Variants in CFAP20DC observed in about 807,000 individuals in gnomAD.
CFAP20DC encodes the protein protein CFAP20DC.
Under a neutral mutation model 101.7 loss-of-function variants are expected in CFAP20DC, and 84 were observed. The ratio of observed to expected loss-of-function variants is 0.83; its 90% CI spans 0.69 to 0.99. CFAP20DC has a LOEUF of 0.99. Among genes scored for constraint, CFAP20DC ranks in the 50% least tolerant of loss-of-function variants. CFAP20DC has a pLI of 0.00. For synonymous variants in CFAP20DC, 359 were observed against 351.2 expected, an observed-to-expected ratio of 1.02 and a Z score of -0.25; for missense variants, 1,007 against 970.3, an observed-to-expected ratio of 1.04 and a Z score of -0.50.
intron 4 of CFAP20DC, among the ~76,000 whole-genome samples, chr3:58,967,328 T>C (rs2091631757): frequency 6.6e-6 from 1 of 152,084 alleles, no homozygotes; most frequent in Non-Finnish European, 1.5e-5. Flanking sequence ...AAGAAAAAAA[T>C]TTGATCCCCA....
rs774173538 is a variant in CFAP20DC, at chr3:58,899,002, A to T, written c.551-14293T>A. Among the ~76,000 whole-genome samples, 14 of 151,198 alleles carry T rather than the reference A, an allele frequency of 9.3e-5. No individual in the cohort carries two copies. Among genetic ancestry groups the T allele is most frequent in the Non-Finnish European group, 1.5e-4 (10 of 67,792 alleles). The stretch of plus-strand genomic sequence containing the variant: ...CCCTAGTTGCCTTGTCTTTTCCCAT[A>T]CCAAGGTTACCACCAGTGAAGGCCA... On this transcript the variant is annotated intron_variant, in intron 6 of 16. Transcript: ENST00000482387. This position sits in a 1 kb window ranked among gnomAD's most constrained non-coding sequence, Gnocchi z 5.0.
At chr3:58,940,902 C>T (rs1262961119) in intron 4 of CFAP20DC, among the ~76,000 whole-genome samples, 2 of 152,132 alleles carry the variant, frequency 1.3e-5, no homozygotes, top group Non-Finnish European at 2.9e-5. Context: ...TGATATGTAT[C>T]TCCAATTATT....
intron 2 of CFAP20DC, 83 bp downstream of exon 2, chr3:59,047,082 G>T: frequency 1.1e-6 from 1 of 909,258 alleles, no homozygotes; most frequent in South Asian, 1.6e-5. Context: ...AAACAGCTCT[G>T]AAATTTGATC....
Position 58,831,845 on chromosome 3 carries a change from G to A in CFAP20DC, c.2016C>T (p.Ser672=), listed in dbSNP as rs754560216. 14 of 1,613,986 alleles carry A rather than the reference G, an allele frequency of 8.7e-6. No homozygotes were observed. The highest frequency in any genetic ancestry group is 1.6e-4 in the Middle Eastern group (1 of 6,062). Residue 672 remains serine (S), a synonymous_variant, in exon 14 of 17, where the codon TCC becomes TCT. Coordinates refer to ENST00000482387, the MANE Select transcript of CFAP20DC (RefSeq NM_001394063.1). ...GTAGGCTTGCTAGCATCTGTAACTC[G>A]GATTCACTCATCTGGCTTGGCTGAT... ...RNYQPSQMSE[S]ELQMLASLRW...
chr3:58,829,159 C>T (rs920049010), intron 14 of CFAP20DC, among the ~76,000 whole-genome samples: 2 of 151,978 alleles, frequency 1.3e-5, no homozygotes, highest in African/African-American at 4.8e-5. Context: ...TGGTGAAATC[C>T]TGTCTCTACT....
rs2093426517 is a variant in CFAP20DC at position 59,006,076 on chromosome 3, T to C, written c.278+33481A>G. 6.6e-6 allele frequency among the ~76,000 whole-genome samples: 1 copy of C among 152,180 alleles called. No individual in the cohort carries two copies. The highest frequency in any genetic ancestry group is 2.1e-4 in the South Asian group (1 of 4,824). ...ATATCCCTACATTTATATGTGTTTT[T>C]ATAAATATGTAATATACTGTGTATA... On this transcript the variant is annotated intron_variant, in intron 4 of 16. Coordinates refer to ENST00000482387, the MANE Select transcript of CFAP20DC (RefSeq NM_001394063.1). The surrounding 1 kb of genome is among the most constrained non-coding windows in gnomAD (Gnocchi z 4.3).
At chr3:58,851,091 A>G (rs1005699503) in intron 12 of CFAP20DC, among the ~76,000 whole-genome samples, 4 of 152,144 alleles carry the variant, frequency 2.6e-5, no homozygotes, top group African/African-American at 7.2e-5. Flanking sequence ...GGCCAAGTAC[A>G]TCTAGGTGCT....
chr3:58,938,186 T>C (rs2087977630), intron 4 of CFAP20DC, among the ~76,000 whole-genome samples: 1 of 152,228 alleles, frequency 6.6e-6, no homozygotes, highest in Admixed American at 6.5e-5. Flanking sequence ...TCTGTCATTT[T>C]GTATAGGCTC....
Position 58,899,183 on chromosome 3 carries a change from C to A in CFAP20DC, c.551-14474G>T, listed in dbSNP as rs2082928410. 6.6e-6 allele frequency among the ~76,000 whole-genome samples: 1 copy of A among 152,254 alleles called. No homozygotes were observed. The highest frequency in any genetic ancestry group is 2.4e-5 in the African/African-American group (1 of 41,474). ...CAGGAGTAACAGGATCAGGGACCCACTTAGAAAAACAGTCTGGCTGCTTTC... is the reference window on the plus strand; with the variant it reads ...CAGGAGTAACAGGATCAGGGACCCAATTAGAAAAACAGTCTGGCTGCTTTC... On this transcript the variant is annotated intron_variant, in intron 6 of 16. Coordinates refer to ENST00000482387, the MANE Select transcript of CFAP20DC (RefSeq NM_001394063.1). This position sits in a 1 kb window ranked among gnomAD's most constrained non-coding sequence, Gnocchi z 5.0.
rs542018016 is a variant in CFAP20DC at position 58,934,451 on chromosome 3, T to C, written c.393+3197A>G. ...GCCAGCATCATCCTGATACCAAAGC[T>C]GGGCAGAGACACAACCAAAAAAGAG... On this transcript the variant is annotated intron_variant, in intron 5 of 16. Transcript: ENST00000482387. 6.8e-3 allele frequency among the ~76,000 whole-genome samples: 1,036 copies of C among 152,176 alleles called. 6 individuals are homozygous for C. The highest frequency in any genetic ancestry group is 0.01 in the Non-Finnish European group (682 of 67,974).
In CFAP20DC at chr3:58,869,058, G is replaced by A. The variant is rs1380805631; in HGVS notation, c.1015+270C>T. ...GGCATTTCCAAAATACAGTGATAAT[G>A]GAATGCTATTTTATTTCTACATCAG... On this transcript the variant is annotated intron_variant, in intron 9 of 16. Transcript: ENST00000482387. The surrounding 1 kb of genome is among the most constrained non-coding windows in gnomAD (Gnocchi z 4.3). Among the ~76,000 whole-genome samples the A allele has an allele frequency of 6.6e-6, 1 of 152,056 alleles. No individual in the cohort carries two copies. Among genetic ancestry groups the A allele is most frequent in the Non-Finnish European group, 1.5e-5 (1 of 67,972 alleles).
chr3:58,773,269 GGC>G (rs2071018996), intron 15 of CFAP20DC, among the ~76,000 whole-genome samples: 1 of 151,686 alleles, frequency 6.6e-6, no homozygotes, highest in South Asian at 2.1e-4. Context: ...ATATGAATTT[GGC>G]CAGGTGCAGT....
In CFAP20DC at chr3:59,047,160, C is replaced by A; in HGVS notation, c.111+5G>T. 1 of 1,520,706 alleles carries A rather than the reference C, an allele frequency of 6.6e-7. No homozygotes were observed. The highest frequency in any genetic ancestry group is 1.2e-5 in the South Asian group (1 of 83,330). 94.2% of individuals were successfully genotyped at this position (1,520,706 alleles called of 1,614,324 possible). On this transcript the variant is annotated splice_donor_5th_base_variant and intron_variant, in intron 2 of 16. Coordinates refer to ENST00000482387, the MANE Select transcript of CFAP20DC (RefSeq NM_001394063.1). Reference sequence around the variant, plus strand: ...ATTTATGTGGCTCTAATTTCTAATACTTACTTTCCAAATCACAGATGGACT... The same window carrying A: ...ATTTATGTGGCTCTAATTTCTAATAATTACTTTCCAAATCACAGATGGACT...
intron 4 of CFAP20DC, among the ~76,000 whole-genome samples, chr3:58,974,217 GTACC>G (rs2092134484): frequency 6.6e-6 from 1 of 152,082 alleles, no homozygotes; most frequent in African/African-American, 2.4e-5. Flanking sequence ...AGTGAGCATA[GTACC>G]TACCTAACAT....
intron 14 of CFAP20DC, among the ~76,000 whole-genome samples, chr3:58,828,396 C>T (rs2076182243): frequency 6.6e-6 from 1 of 152,130 alleles, no homozygotes; most frequent in African/African-American, 2.4e-5. Context: ...GGTTACAGTG[C>T]TTTGACTGGA....
intron 4 of CFAP20DC, among the ~76,000 whole-genome samples, chr3:58,987,138 A>G (rs560672940): frequency 1.7e-4 from 26 of 152,248 alleles, no homozygotes; most frequent in Admixed American, 9.2e-4. Flanking sequence ...ACACAGAGAG[A>G]TAAAGGAAGA....
chr3:58,940,676 C>T (rs1232480178), intron 4 of CFAP20DC, among the ~76,000 whole-genome samples: 4 of 152,148 alleles, frequency 2.6e-5, no homozygotes, highest in Non-Finnish European at 5.9e-5. Flanking sequence ...AATACACTAT[C>T]TTGATTACTG....
chr3:58,887,776 T>C (rs985323518), intron 6 of CFAP20DC, among the ~76,000 whole-genome samples: 10 of 152,218 alleles, frequency 6.6e-5, no homozygotes, highest in Non-Finnish European at 4.4e-5. Flanking sequence ...CACCACTTAC[T>C]GGATTATTCT....
At chr3:58,742,669 G>A in intron 16 of CFAP20DC, 97 bp from the exon 17 acceptor site, 1 of 771,670 alleles carries the variant, frequency 1.3e-6, no homozygotes, top group Non-Finnish European at 2.0e-6. Context: ...TCTCCTGGGG[G>A]ATTTTCTTTA....
Sources: gnomAD v4.1 joint callset for allele counts (sites outside exome capture counted in the v4.1 genomes callset) on GRCh38, gnomAD v4.1.1 for gene constraint, Gnocchi (gnomAD v3.1) non-coding constraint, MANE v1.5 for transcripts, NCBI Gene and HGNC (gene_info 2026-07-23, HGNC 2026-07-21) for gene names.